ITGAX: variants seen among roughly 807,000 people sequenced by gnomAD.
ITGAX encodes the protein integrin subunit alpha X, also known as integrin alpha-X.
In ITGAX, 99 loss-of-function variants were observed where a neutral mutation model predicts 140.2. That is an observed-to-expected ratio of 0.71 (90% CI 0.60 to 0.83). The LOEUF (loss-of-function observed/expected upper bound fraction) is 0.83, where lower values mean the gene tolerates loss of function less well. Among genes scored for constraint, ITGAX ranks in the 40% least tolerant of loss-of-function variants. The pLI is 0.00. For synonymous variants in ITGAX, 631 were observed against 600.4 expected (o/e 1.05, Z -0.75); for missense variants, 1,444 against 1,482.0 (o/e 0.97, Z 0.42).
Position 31,373,301 on chromosome 16 carries a change from G to A in ITGAX, c.2419G>A (p.Val807Met), listed in dbSNP as rs773180939. The change falls in exon 20 of 30, where the codon GTG (valine) becomes ATG (methionine). Residue 807 changes from valine (V) to methionine (M), a missense_variant. Coordinates refer to ENST00000268296, the MANE Select transcript of ITGAX (RefSeq NM_000887.5). ...CCTGGAGCTGAACGCAGAAGTGATGGTGTGGAATGACGGGGAAGACTCCTA... is the reference window on the plus strand; with the variant it reads ...CCTGGAGCTGAACGCAGAAGTGATGATGTGGAATGACGGGGAAGACTCCTA... ...SNLELNAEVM[V>M]WNDGEDSYGT... 1.2e-6 allele frequency: 2 copies of A among 1,613,964 alleles called. No individual in the cohort carries two copies. The highest frequency in any genetic ancestry group is 2.2e-5 in the East Asian group (1 of 44,862).
At position 31,380,011 on chromosome 16, in the gene ITGAX, A is replaced by C; in HGVS notation, c.3006A>C (p.Lys1002Asn). Reference protein sequence around the residue: ...QNPSLRCSSEKIAPPASDFLA... With the variant: ...QNPSLRCSSENIAPPASDFLA... ...CATCCCTTCGGTGCTCCTCAGAGAA[A>C]ATCGCACCCCCAGCATCTGACTTCC... The change falls in exon 26 of 30, where the codon AAA (lysine) becomes AAC (asparagine). Residue 1002 changes from lysine (K) to asparagine (N), a missense_variant. Coordinates refer to ENST00000268296, the MANE Select transcript of ITGAX (RefSeq NM_000887.5). 1 of 1,614,142 alleles carries C rather than the reference A, an allele frequency of 6.2e-7. No homozygotes were observed. The highest frequency in any genetic ancestry group is 1.3e-5 in the African/African-American group (1 of 75,028).
At chr16:31,377,726 A>G (rs1301778836) in intron 23 of ITGAX, among the ~76,000 whole-genome samples, 2 of 152,190 alleles carry the variant, frequency 1.3e-5, no homozygotes, top group Non-Finnish European at 2.9e-5. Flanking sequence ...TACTCTAGGC[A>G]TGTGTGGTCC....
chr16:31,359,046 C>A (rs970528015), intron 5 of ITGAX, among the ~76,000 whole-genome samples: 6 of 152,152 alleles, frequency 3.9e-5, no homozygotes, highest in African/African-American at 1.4e-4. Flanking sequence ...TCTTGAAATC[C>A]TGGGCTCAAG....
At chr16:31,360,242 T>G (rs1244934817) in intron 7 of ITGAX, 68 bp from the exon 8 acceptor site, 63 of 1,535,670 alleles carry the variant, frequency 4.1e-5, no homozygotes, top group Non-Finnish European at 5.4e-5. Flanking sequence ...TCTTCTAATT[T>G]TCACAAGGGC....
At position 31,372,637 on chromosome 16, in the gene ITGAX, A is replaced by G; in HGVS notation, c.2333A>G (p.Gln778Arg). 2 of 1,614,130 alleles carry G rather than the reference A, an allele frequency of 1.2e-6. No homozygotes were observed. The highest frequency in any genetic ancestry group is 2.2e-5 in the South Asian group (2 of 91,090). Residue 778 changes from glutamine to arginine, a missense_variant, in exon 19 of 30, where the codon CAG becomes CGG. Coordinates refer to ENST00000268296, the MANE Select transcript of ITGAX (RefSeq NM_000887.5). ...AACTGTGGAGCCGACCATATCTGCC[A>G]GGACAATCTCGGCATCTCCTTCAGC... ...EKNCGADHIC[Q>R]DNLGISFSFP...
In ITGAX at chr16:31,363,055, G is replaced by A. The variant is rs1315226388; in HGVS notation, c.1480G>A (p.Val494Met). Reference sequence around the variant, plus strand: ...GCAGACCCGAGGGGGCCAGGTGTCTGTGTGTCCCTTGCCCAGGGGGGTGAG... The same window carrying A: ...GCAGACCCGAGGGGGCCAGGTGTCTATGTGTCCCTTGCCCAGGGGGGTGAG... ...YEQTRGGQVS[V>M]CPLPRGWRRW... The change falls in exon 13 of 30, where the codon GTG (valine) becomes ATG (methionine). Residue 494 changes from valine (V) to methionine (M), a missense_variant. Val to Met is a conservative substitution (Grantham distance 21). Coordinates refer to ENST00000268296, the MANE Select transcript of ITGAX (RefSeq NM_000887.5). The A allele has an allele frequency of 6.2e-7, 1 of 1,610,596 alleles. No individual in the cohort carries two copies. The highest frequency in any genetic ancestry group is 8.5e-7 in the Non-Finnish European group (1 of 1,178,952).
At chr16:31,366,652 A>G (rs2080895658) in intron 14 of ITGAX, among the ~76,000 whole-genome samples, 2 of 152,188 alleles carry the variant, frequency 1.3e-5, no homozygotes, top group Non-Finnish European at 2.9e-5. Flanking sequence ...AGTAGCTGGC[A>G]TTACAGGTGG....
At chr16:31,376,556 T>G (rs1307380478) in intron 20 of ITGAX, among the ~76,000 whole-genome samples, 1 of 152,118 alleles carries the variant, frequency 6.6e-6, no homozygotes, top group African/African-American at 2.4e-5. Context: ...AGGCCAGAGT[T>G]TGAGGCTGCA....
chr16:31,370,598 G>T (rs2080945378), intron 14 of ITGAX, among the ~76,000 whole-genome samples: 2 of 152,196 alleles, frequency 1.3e-5, no homozygotes, highest in African/African-American at 4.8e-5. Flanking sequence ...AACGAGGGAG[G>T]TGAGGTTGGA....
At chr16:31,379,120 ACTCT>A (rs755373793) in intron 23 of ITGAX, among the ~76,000 whole-genome samples, 18 of 147,892 alleles carry the variant, frequency 1.2e-4, no homozygotes, top group Admixed American at 2.7e-4. Context: ...TGGTCTCTAA[ACTCT>A]CTCTCTCTGT....
In ITGAX at chr16:31,363,250, G is replaced by T. The variant is rs751524069; in HGVS notation, c.1586G>T (p.Gly529Val). 6.2e-7 allele frequency: 1 copy of T among 1,613,822 alleles called. No homozygotes were observed. The highest frequency in any genetic ancestry group is 2.2e-5 in the East Asian group (1 of 44,868). ...GRFGAALTVL[G>V]DVNGDKLTDV... ...TTTGGGGCGGCTCTGACAGTGCTGG[G>T]GGATGTGAATGGGGACAAGCTGACA... The change falls in exon 14 of 30, where the codon GGG becomes GTG. Residue 529 changes from glycine to valine, a missense_variant. Gly to Val is a moderately radical substitution (Grantham distance 109). Transcript: ENST00000268296.
intron 14 of ITGAX, among the ~76,000 whole-genome samples, chr16:31,366,797 T>C (rs1021736738): frequency 6.6e-6 from 1 of 152,234 alleles, no homozygotes. Context: ...ATTACAGACG[T>C]GGGCCACCAC....
In ITGAX at chr16:31,371,944, C is replaced by T. The variant is rs543077000; in HGVS notation, c.2160+160C>T. Reference sequence around the variant, plus strand: ...GCACGTTAGCCAGTGAGTGAGTGAGCGAGCAAACAAGTGATGAGATCGGCT... The same window carrying T: ...GCACGTTAGCCAGTGAGTGAGTGAGTGAGCAAACAAGTGATGAGATCGGCT... On this transcript the variant is annotated intron_variant, in intron 17 of 29. Coordinates refer to ENST00000268296, the MANE Select transcript of ITGAX (RefSeq NM_000887.5). 4.6e-5 allele frequency among the ~76,000 whole-genome samples: 7 copies of T among 152,254 alleles called. No homozygotes were observed. In the East Asian group the frequency reaches 5.8e-4, roughly 13 times the overall value.
Position 31,380,263 on chromosome 16 carries a change from C to G in ITGAX, c.3061-3C>G. ...CAGCCCCATGCTATTTATCTGCCCC[C>G]AGGACTGCTCCATTGCTGGCTGCCT... On this transcript the variant is annotated splice_region_variant and splice_polypyrimidine_tract_variant and intron_variant, in intron 26 of 29. Transcript: ENST00000268296. The G allele has an allele frequency of 6.2e-7, 1 of 1,613,606 alleles. No individual in the cohort carries two copies. The highest frequency in any genetic ancestry group is 8.5e-7 in the Non-Finnish European group (1 of 1,179,744).
At chr16:31,369,862 T>A (rs375860196) in intron 14 of ITGAX, 5 of 152,164 alleles carry the variant, frequency 3.3e-5, no homozygotes, top group African/African-American at 1.2e-4. Flanking sequence ...CATAGCTGAC[T>A]GCAGCCTCGA....
chr16:31,360,480 C>A lies in ITGAX; in HGVS notation c.861+17C>A. 5.7e-6 allele frequency: 9 copies of A among 1,585,646 alleles called. No individual in the cohort carries two copies. The highest frequency in any genetic ancestry group is 1.1e-5 in the South Asian group (1 of 88,316). ...GCAATTGGGGTAGGGCGTGGGATGGCTTCCCACTTCTCCCACGGCTTCCTC... is the reference window on the plus strand; with the variant it reads ...GCAATTGGGGTAGGGCGTGGGATGGATTCCCACTTCTCCCACGGCTTCCTC... On this transcript the variant is annotated intron_variant, in intron 8 of 29. Transcript: ENST00000268296.
intron 23 of ITGAX, among the ~76,000 whole-genome samples, chr16:31,378,936 C>T (rs954896347): frequency 6.6e-6 from 1 of 152,092 alleles, no homozygotes; most frequent in Non-Finnish European, 1.5e-5. Context: ...GTGCCTCAGC[C>T]TCCCAAGTAG....
In ITGAX at chr16:31,379,634, G is replaced by C; in HGVS notation, c.2856G>C (p.Met952Ile). The C allele has an allele frequency of 1.3e-6, 2 of 1,563,974 alleles. No homozygotes were observed. Among genetic ancestry groups the C allele is most frequent in the Non-Finnish European group, 1.7e-6 (2 of 1,153,226 alleles). Residue 952 changes from methionine (M) to isoleucine (I), a missense_variant, in exon 24 of 30, where the codon ATG becomes ATC. Coordinates refer to ENST00000268296, the MANE Select transcript of ITGAX (RefSeq NM_000887.5). The stretch of plus-strand genomic sequence containing the variant: ...AGGAGAAGGAAAGCCATGTGGCCAT[G>C]CACAGATACCAGGCAGGTGGTGGAG... ...ESEEKESHVA[M>I]HRYQVNNLGQ...
At chr16:31,366,841 C>A (rs562044273) in intron 14 of ITGAX, among the ~76,000 whole-genome samples, 5 of 152,304 alleles carry the variant, frequency 3.3e-5, no homozygotes, top group Admixed American at 1.3e-4. Context: ...TAGATCAAAA[C>A]CTAGAAATGA....
Sources: gnomAD v4.1 joint callset for allele counts (sites outside exome capture counted in the v4.1 genomes callset) on GRCh38, gnomAD v4.1.1 for gene constraint, MANE v1.5 for transcripts, NCBI Gene and HGNC (gene_info 2026-07-23, HGNC 2026-07-21) for gene names.